Variants in PHC3 observed in about 807,000 individuals in gnomAD.
PHC3 encodes the protein polyhomeotic homolog 3, also known as polyhomeotic-like protein 3.
Under a neutral mutation model 107.4 loss-of-function variants are expected in PHC3, and 13 were observed. That is an observed-to-expected ratio of 0.12 (90% CI 0.08 to 0.19). PHC3 has a LOEUF of 0.19. Among genes scored for constraint, PHC3 ranks in the 10% least tolerant of loss-of-function variants. PHC3 has a pLI of 1.00. For missense variants in PHC3, 992 were observed against 1,210.9 expected, an observed-to-expected ratio of 0.82 and a Z score of 2.68; for synonymous variants, 456 against 427.4, an observed-to-expected ratio of 1.07 and a Z score of -0.83.
At chr3:170,124,856 C>A (rs1194484228) in intron 8 of PHC3, among the ~76,000 whole-genome samples, 1 of 152,070 alleles carries the variant, frequency 6.6e-6, no homozygotes, top group Non-Finnish European at 1.5e-5. Flanking sequence ...AATCAAGTTT[C>A]ACCTATAAGG....
At chr3:170,126,530 T>TATA (rs1560059403) in intron 8 of PHC3, among the ~76,000 whole-genome samples, 121 of 72,862 alleles carry the variant, frequency 1.7e-3, no homozygotes, top group Middle Eastern at 6.2e-3. Flanking sequence ...ATATATATAT[T>TATA]TTTTTTTTTT....
At chr3:170,145,995 C>A (rs1239773497) in intron 5 of PHC3, among the ~76,000 whole-genome samples, 1 of 152,158 alleles carries the variant, frequency 6.6e-6, no homozygotes, top group Non-Finnish European at 1.5e-5. Flanking sequence ...ATGCCACATA[C>A]TACACTCCAA....
At chr3:170,178,519 C>T (rs944554426) in intron 2 of PHC3, among the ~76,000 whole-genome samples, 4 of 152,156 alleles carry the variant, frequency 2.6e-5, no homozygotes, top group African/African-American at 9.7e-5. Flanking sequence ...AATAAGACGG[C>T]CCTCGTGAGA....
intron 14 of PHC3, among the ~76,000 whole-genome samples, chr3:170,099,475 T>C (rs1322930989): frequency 6.6e-6 from 1 of 152,214 alleles, no homozygotes; most frequent in African/African-American, 2.4e-5. Context: ...GCTCAAGGTA[T>C]ACTGAGATAA....
rs1244375554 is a variant in PHC3 at position 170,095,230 on chromosome 3, T to G, written c.*2000A>C. On this transcript the variant is annotated 3_prime_UTR_variant, in exon 15 of 15. Transcript: ENST00000495893. ...CTCATTATAGAGTACCTAGCTTTCC[T>G]TGATACTTTAATCCAATGATTAAAA... 6.6e-6 allele frequency: 1 copy of G among 152,172 alleles called. No individual in the cohort carries two copies. Among genetic ancestry groups the G allele is most frequent in the Non-Finnish European group, 1.5e-5 (1 of 68,024 alleles). The allele number at this position is 152,172 out of a possible 1,614,324, so 9.4% of individuals were successfully genotyped here.
Position 170,115,736 on chromosome 3 carries a change from T to A in PHC3, c.2193+1490A>T, listed in dbSNP as rs531783106. Among the ~76,000 whole-genome samples the A allele has an allele frequency of 2.0e-5, 3 of 152,256 alleles. No homozygotes were observed. The South Asian group carries it at 6.2e-4, about 32-fold the overall frequency. ...ACAACTCTAAGAGCAAAGCACCGTC[T>A]CCACCTGACAAATAAGCAAAATAAA... On this transcript the variant is annotated intron_variant, in intron 10 of 14. Coordinates refer to ENST00000495893, the MANE Select transcript of PHC3 (RefSeq NM_024947.4).
intron 14 of PHC3, among the ~76,000 whole-genome samples, chr3:170,101,248 G>T (rs1715423901): frequency 6.6e-6 from 1 of 152,054 alleles, no homozygotes; most frequent in South Asian, 2.1e-4. Flanking sequence ...TTTAAAAGTG[G>T]CCATATTTTT....
chr3:170,118,038 T>C (rs1029279095), intron 9 of PHC3, among the ~76,000 whole-genome samples: 8 of 151,990 alleles, frequency 5.3e-5, no homozygotes, highest in African/African-American at 1.7e-4. Flanking sequence ...ATTGTTCCCA[T>C]GAGACATGAA....
intron 7 of PHC3, among the ~76,000 whole-genome samples, chr3:170,132,440 C>T (rs1424481547): frequency 6.6e-6 from 1 of 152,158 alleles, no homozygotes; most frequent in Admixed American, 6.5e-5. Context: ...TGCTGAAGCC[C>T]TAACTCCCAA....
intron 11 of PHC3, among the ~76,000 whole-genome samples, chr3:170,110,946 A>C (rs1185461106): frequency 3.3e-5 from 5 of 152,200 alleles, no homozygotes; most frequent in Non-Finnish European, 7.3e-5. Context: ...ATTCTTTGTT[A>C]CTTTTCACTT....
At chr3:170,146,115 C>A (rs1724890733) in intron 5 of PHC3, among the ~76,000 whole-genome samples, 1 of 152,172 alleles carries the variant, frequency 6.6e-6, no homozygotes, top group Non-Finnish European at 1.5e-5. Context: ...TGGCTCATGC[C>A]TGTAATCCTA....
Position 170,090,782 on chromosome 3 carries a change from C to T in PHC3, c.*6448G>A, listed in dbSNP as rs1237195303. ...AGCTGTTAAAACAGCTGAGTAATTG[C>T]CCAACATGTCACACACAGCTAACCC... On this transcript the variant is annotated 3_prime_UTR_variant, in exon 15 of 15. Transcript: ENST00000495893. 3 of 152,114 alleles carry T rather than the reference C, an allele frequency of 2.0e-5. No individual in the cohort carries two copies. Among genetic ancestry groups the T allele is most frequent in the African/African-American group, 7.2e-5 (3 of 41,406 alleles). 9.4% of individuals were successfully genotyped at this position (152,114 alleles called of 1,614,324 possible). A position where few individuals can be genotyped will look rare whatever the true frequency, so the allele number is the denominator to read the frequency against.
chr3:170,129,803 G>A (rs1019663778), intron 7 of PHC3, among the ~76,000 whole-genome samples: 8 of 151,996 alleles, frequency 5.3e-5, no homozygotes, highest in East Asian at 1.9e-4. Context: ...TGGTTCAAGC[G>A]ATTCTCCTGT....
chr3:170,168,753 CAA>C (rs59152470), intron 4 of PHC3, among the ~76,000 whole-genome samples: 12 of 77,074 alleles, frequency 1.6e-4, no homozygotes, highest in African/African-American at 2.0e-4. Flanking sequence ...GACTCCGTCT[CAA>C]AAAAAAAAAA....
At chr3:170,177,036 A>C (rs1214421595) in intron 2 of PHC3, 1 of 338,194 alleles carries the variant, frequency 3.0e-6, no homozygotes, top group East Asian at 7.8e-5. Context: ...ATGTTAACTA[A>C]GTAAACTTTA....
chr3:170,157,637 T>C (rs180784239), intron 4 of PHC3, among the ~76,000 whole-genome samples: 2 of 152,302 alleles, frequency 1.3e-5, no homozygotes, highest in Admixed American at 6.5e-5. Context: ...ATGAGGACAC[T>C]AGCAGTAGAA....
intron 9 of PHC3, among the ~76,000 whole-genome samples, chr3:170,122,027 C>T (rs1370669850): frequency 6.6e-6 from 1 of 151,768 alleles, no homozygotes; most frequent in Non-Finnish European, 1.5e-5. Context: ...CCGAGGCAAG[C>T]GGATCACTTG....
intron 7 of PHC3, among the ~76,000 whole-genome samples, chr3:170,133,514 A>G (rs1164207070): frequency 6.6e-6 from 1 of 152,208 alleles, no homozygotes. Context: ...GAAAAACTAA[A>G]AAGGTGAAAA....
chr3:170,156,935 C>T (rs1007363441), intron 4 of PHC3, among the ~76,000 whole-genome samples: 6 of 152,114 alleles, frequency 3.9e-5, no homozygotes, highest in Non-Finnish European at 7.3e-5. Context: ...AATAAAATAC[C>T]TATCCTATTT....
Sources: allele counts gnomAD v4.1 joint callset (sites outside exome capture counted in the v4.1 genomes callset), GRCh38; gene constraint gnomAD v4.1.1; transcripts MANE v1.5; gene names NCBI Gene and HGNC (gene_info 2026-07-23, HGNC 2026-07-21).